The following SLC16A9 variants were observed in gnomAD, a reference collection of about 807,000 sequenced individuals.
SLC16A9 encodes solute carrier family 16 member 9.
SLC16A9 carries 26 observed loss-of-function variants against 44.3 expected under a neutral mutation model. The observed-to-expected ratio is 0.59, with a 90% CI of 0.43 to 0.81. The LOEUF (loss-of-function observed/expected upper bound fraction) is 0.81, where lower values mean the gene tolerates loss of function less well. Ranked by LOEUF, SLC16A9 falls within the 40% of genes least tolerant of loss-of-function variation. The pLI is 0.00. For missense variants in SLC16A9, 559 were observed against 595.8 expected, an observed-to-expected ratio of 0.94 and a Z score of 0.64; for synonymous variants, 230 against 225.1, an observed-to-expected ratio of 1.02 and a Z score of -0.19.
chr10:59,695,945 G>A (rs920407625), intron 1 of SLC16A9, among the ~76,000 whole-genome samples: 1 of 152,150 alleles, frequency 6.6e-6, no homozygotes, highest in African/African-American at 2.4e-5. Flanking sequence ...ATTTTACCAT[G>A]AAGATGGGGT....
intron 1 of SLC16A9, among the ~76,000 whole-genome samples, chr10:59,694,030 C>T (rs1339324996): frequency 2.6e-5 from 4 of 152,070 alleles, no homozygotes; most frequent in East Asian, 1.9e-4. Flanking sequence ...CTCCGCCTCC[C>T]GGGTTCAGGC....
chr10:59,704,322 T>C (rs980211292), intron 1 of SLC16A9, among the ~76,000 whole-genome samples: 7 of 152,224 alleles, frequency 4.6e-5, no homozygotes, highest in South Asian at 4.1e-4. Context: ...TCATTTATGA[T>C]GCCTGTCTCA....
At chr10:59,683,341 A>G (rs1564706762) in intron 2 of SLC16A9, among the ~76,000 whole-genome samples, 1 of 152,242 alleles carries the variant, frequency 6.6e-6, no homozygotes, top group South Asian at 2.1e-4. Context: ...TATGATTTTA[A>G]TGGTGAAAAG....
At chr10:59,653,650 G>T in intron 5 of SLC16A9, 25 bp downstream of exon 5, 2 of 1,581,746 alleles carry the variant, frequency 1.3e-6, no homozygotes, top group East Asian at 2.2e-5. Context: ...AGTAAAATGG[G>T]ATGATTTTAA....
chr10:59,662,674 T>C (rs7913124), intron 4 of SLC16A9, among the ~76,000 whole-genome samples: 6,218 of 133,312 alleles, frequency 0.047, 459 homozygotes, highest in African/African-American at 0.16. Context: ...AAAGAAGACA[T>C]TTATGCAGCC....
chr10:59,654,683 C>A, intron 4 of SLC16A9, 94 bp from the exon 5 acceptor site: 1 of 962,298 alleles, frequency 1.0e-6, no homozygotes, highest in South Asian at 2.2e-5. Flanking sequence ...TTTATACTGG[C>A]ATTTATATGT....
At chr10:59,656,152 G>A (rs1839344550) in intron 4 of SLC16A9, among the ~76,000 whole-genome samples, 1 of 152,186 alleles carries the variant, frequency 6.6e-6, no homozygotes, top group African/African-American at 2.4e-5. Context: ...AGTAATAACA[G>A]TAGACAAATG....
At chr10:59,664,829 T>C (rs1267303977) in intron 3 of SLC16A9, among the ~76,000 whole-genome samples, 3 of 152,216 alleles carry the variant, frequency 2.0e-5, no homozygotes, top group Admixed American at 6.5e-5. Flanking sequence ...GGGGTTCTCA[T>C]ATCATCTCAC....
At chr10:59,662,633 C>CAAAAAAAAA (rs71006278) in intron 4 of SLC16A9, among the ~76,000 whole-genome samples, 279 of 43,338 alleles carry the variant, frequency 6.4e-3, no homozygotes, top group Middle Eastern at 0.023. Flanking sequence ...AACTCCATCT[C>CAAAAAAAAA]AAAAAAAAAA....
At chr10:59,709,166 T>C (rs1225733617) in intron 1 of SLC16A9, among the ~76,000 whole-genome samples, 1 of 152,124 alleles carries the variant, frequency 6.6e-6, no homozygotes, top group African/African-American at 2.4e-5. Context: ...GAGGCAGCTC[T>C]CTGGGGGGCC....
rs745926235 is a variant in SLC16A9 at position 59,684,202 on chromosome 10, T to C, written c.90A>G (p.Pro30=). Residue 30 remains proline, a synonymous_variant, in exon 2 of 6, where the codon CCA becomes CCG. Transcript: ENST00000395348. ...CTATGTACAGGACTCCAACAGCTAG[T>C]GGGGATCCGTAACACAAAAACTGAG... ...FLTQFLCYGS[P]LAVGVLYIEW... 9 of 1,614,066 alleles carry C rather than the reference T, an allele frequency of 5.6e-6. No homozygotes were observed. The Admixed American group carries it at 1.5e-4, about 27-fold the overall frequency.
chr10:59,653,970 C>T lies in SLC16A9; in HGVS notation c.1056G>A (p.Met352Ile). 1 of 1,613,906 alleles carries T rather than the reference C, an allele frequency of 6.2e-7. No individual in the cohort carries two copies. ...CTAAAAGCAGTTTACCAACTGCTGT[C>T]ATAATGCCTATAATGGAAATAAGTG... Reference protein sequence around the residue: ...IMPLISIIGIMTAVGKLLLGI... With the variant: ...IMPLISIIGIITAVGKLLLGI... Residue 352 changes from methionine (M) to isoleucine (I), a missense_variant, in exon 5 of 6, where the codon ATG (methionine) becomes ATA (isoleucine). Coordinates refer to ENST00000395348, the MANE Select transcript of SLC16A9 (RefSeq NM_194298.3).
chr10:59,678,546 C>CTTTTTCTTTTTTTTTTTTTTTTTTTT (rs1839912421), intron 2 of SLC16A9, among the ~76,000 whole-genome samples: 1 of 30,594 alleles, frequency 3.3e-5, no homozygotes, highest in Non-Finnish European at 7.1e-5. Flanking sequence ...TTTTCTTTTT[C>CTTTTTCTTTTTTTTTTTTTTTTTTTT]TTTTTTTTGA....
In SLC16A9 at chr10:59,678,540, C is replaced by CTTTTTTTTT; in HGVS notation, c.196+5555_196+5556insAAAAAAAAA. 9.0e-5 allele frequency among the ~76,000 whole-genome samples: 2 copies of CTTTTTTTTT among 22,342 alleles called. 1 individual carries two copies. The highest frequency in any genetic ancestry group is 1.9e-4 in the African/African-American group (2 of 10,358). 14.7% of individuals were successfully genotyped at this position (22,342 alleles called of 152,430 possible). A position where few individuals can be genotyped will look rare whatever the true frequency, so the allele number is the denominator to read the frequency against. ...CTACCAATCTTTTTTTTTTCTTTTT[C>CTTTTTTTTT]TTTTTCTTTTTTTTGAGACGGAGTC... On this transcript the variant is annotated intron_variant, in intron 2 of 5. Coordinates refer to ENST00000395348, the MANE Select transcript of SLC16A9 (RefSeq NM_194298.3).
chr10:59,685,465 A>G (rs752591968), intron 1 of SLC16A9, among the ~76,000 whole-genome samples: 121 of 152,280 alleles, frequency 7.9e-4, no homozygotes, highest in Non-Finnish European at 1.5e-3. Flanking sequence ...TCAAGTATAG[A>G]TTTCCCTTAT....
At chr10:59,679,932 C>G (rs1317023699) in intron 2 of SLC16A9, among the ~76,000 whole-genome samples, 1 of 152,350 alleles carries the variant, frequency 6.6e-6, no homozygotes, top group Middle Eastern at 3.4e-3. Flanking sequence ...CCTCTAAAAC[C>G]TCAGAGATTG....
At chr10:59,692,496 CTA>C (rs1230343449) in intron 1 of SLC16A9, among the ~76,000 whole-genome samples, 12 of 152,162 alleles carry the variant, frequency 7.9e-5, no homozygotes, top group Admixed American at 2.6e-4. Context: ...TAGCACAACT[CTA>C]TGAACATGCT....
intron 1 of SLC16A9, among the ~76,000 whole-genome samples, chr10:59,701,008 A>G (rs1840511077): frequency 6.6e-6 from 1 of 152,134 alleles, no homozygotes; most frequent in South Asian, 2.1e-4. Flanking sequence ...AGAACTCCAG[A>G]TCCACATTTC....
At chr10:59,668,587 C>T (rs546080196) in intron 3 of SLC16A9, among the ~76,000 whole-genome samples, 1 of 152,236 alleles carries the variant, frequency 6.6e-6, no homozygotes, top group East Asian at 1.9e-4. Context: ...GCGACTTTGG[C>T]AAAGTCATTT....
Sources: gnomAD v4.1 joint callset for allele counts (sites outside exome capture counted in the v4.1 genomes callset) on GRCh38, gnomAD v4.1.1 for gene constraint, MANE v1.5 for transcripts, NCBI Gene and HGNC (gene_info 2026-07-23, HGNC 2026-07-21) for gene names.